Variants in CSMD2 observed in about 807,000 individuals in gnomAD.
CSMD2 encodes the protein CUB and Sushi multiple domains 2.
CSMD2 carries 130 observed loss-of-function variants against 398.5 expected under a neutral mutation model. The observed-to-expected ratio is 0.33, with a 90% CI of 0.28 to 0.38. The LOEUF is 0.38. CSMD2 is among the 10% of genes least tolerant of loss of function. The pLI is 1.00. For synonymous variants in CSMD2, 1,828 were observed against 1,908.5 expected (o/e 0.96, Z 1.10); for missense variants, 3,829 against 4,764.9 (o/e 0.80, Z 5.78).
At chr1:34,057,516 G>A (rs1416157783) in intron 2 of CSMD2, among the ~76,000 whole-genome samples, 1 of 152,086 alleles carries the variant, frequency 6.6e-6, no homozygotes, top group Non-Finnish European at 1.5e-5. Context: ...ACACTGATTG[G>A]TGTCTCAGTC....
At chr1:33,642,798 C>A (rs781646021) in intron 29 of CSMD2, among the ~76,000 whole-genome samples, 4 of 152,134 alleles carry the variant, frequency 2.6e-5, no homozygotes, top group Non-Finnish European at 4.4e-5. Context: ...TAAGTTACCC[C>A]TTTGTTTGCT....
intron 35 of CSMD2, among the ~76,000 whole-genome samples, chr1:33,623,732 AG>A (rs1397843017): frequency 2.0e-5 from 3 of 152,242 alleles, no homozygotes; most frequent in Non-Finnish European, 2.9e-5. Flanking sequence ...AAGAAGTTCC[AG>A]GAAGTGGAAA....
At chr1:34,142,213 T>C (rs768528742) in intron 1 of CSMD2, among the ~76,000 whole-genome samples, 17 of 152,182 alleles carry the variant, frequency 1.1e-4, no homozygotes, top group Non-Finnish European at 2.1e-4. Flanking sequence ...CATCCTGTCC[T>C]GGCGGCCCCC....
intron 5 of CSMD2, among the ~76,000 whole-genome samples, chr1:33,882,820 C>A (rs1276487510): frequency 2.0e-5 from 3 of 152,206 alleles, no homozygotes; most frequent in African/African-American, 7.2e-5. Flanking sequence ...TTTCTTCCTT[C>A]CATTCTTCCT....
chr1:34,060,507 TG>T (rs1052514471), intron 2 of CSMD2, among the ~76,000 whole-genome samples: 1 of 152,106 alleles, frequency 6.6e-6, no homozygotes, highest in Non-Finnish European at 1.5e-5. Flanking sequence ...TGCGGCAGCC[TG>T]GGGGGAGCTC....
chr1:33,678,073 C>T (rs555013770), intron 25 of CSMD2, among the ~76,000 whole-genome samples: 23 of 151,382 alleles, frequency 1.5e-4, no homozygotes, highest in African/African-American at 5.1e-4. Context: ...CAAACCTGCA[C>T]GTTCTGCACA....
At chr1:33,592,318 G>T in intron 44 of CSMD2, 1 of 712,134 alleles carries the variant, frequency 1.4e-6, no homozygotes. Context: ...CAGGAGATGG[G>T]TCCAGGCAAA....
intron 54 of CSMD2, 117 bp from the exon 55 acceptor site, chr1:33,558,039 G>A: frequency 1.2e-6 from 1 of 862,576 alleles, no homozygotes; most frequent in African/African-American, 1.7e-5. Flanking sequence ...CAAGGTTGCT[G>A]GACTTCTCCC....
chr1:33,681,641 A>G (rs1324805390), intron 25 of CSMD2, among the ~76,000 whole-genome samples: 2 of 152,174 alleles, frequency 1.3e-5, no homozygotes, highest in African/African-American at 4.8e-5. Flanking sequence ...TGGATGCTGT[A>G]ACATATTACA....
intron 1 of CSMD2, among the ~76,000 whole-genome samples, chr1:34,128,892 C>A (rs1357321566): frequency 2.6e-5 from 4 of 152,130 alleles, no homozygotes; most frequent in Non-Finnish European, 5.9e-5. Context: ...GGAACCCAGG[C>A]TAAGCAAGAT....
chr1:33,521,777 A>C (rs1036863878), intron 67 of CSMD2, among the ~76,000 whole-genome samples: 1 of 152,216 alleles, frequency 6.6e-6, no homozygotes, highest in Non-Finnish European at 1.5e-5. Flanking sequence ...TTTATTTTCT[A>C]CTGGTCAAAT....
chr1:33,841,059 G>T (rs1347106061), intron 6 of CSMD2, among the ~76,000 whole-genome samples: 5 of 152,234 alleles, frequency 3.3e-5, no homozygotes, highest in Admixed American at 3.3e-4. Context: ...TTATTCTGCA[G>T]ACAATTGAAA....
At chr1:33,926,297 T>C (rs1389716413) in intron 4 of CSMD2, among the ~76,000 whole-genome samples, 2 of 152,226 alleles carry the variant, frequency 1.3e-5, no homozygotes, top group East Asian at 3.8e-4. Flanking sequence ...AAGATTTCAG[T>C]TGAGTGTCTC....
chr1:34,139,715 T>C (rs1047832494), intron 1 of CSMD2, among the ~76,000 whole-genome samples: 12 of 152,240 alleles, frequency 7.9e-5, no homozygotes, highest in Non-Finnish European at 1.8e-4. Flanking sequence ...ATCTTTCTTT[T>C]CTCTCAGTAA....
chr1:33,561,848 C>T (rs1020210745), intron 53 of CSMD2, among the ~76,000 whole-genome samples: 4 of 152,168 alleles, frequency 2.6e-5, no homozygotes, highest in Non-Finnish European at 5.9e-5. Flanking sequence ...ATATGCAAGG[C>T]ACTGGGTGTT....
intron 3 of CSMD2, among the ~76,000 whole-genome samples, chr1:33,963,893 CAT>C (rs1311423153): frequency 6.6e-6 from 1 of 152,198 alleles, no homozygotes; most frequent in East Asian, 1.9e-4. Flanking sequence ...TTTGTGTGGA[CAT>C]ATGTGTTAAT....
intron 5 of CSMD2, among the ~76,000 whole-genome samples, chr1:33,856,039 C>T (rs1360081201): frequency 6.6e-6 from 1 of 152,216 alleles, no homozygotes; most frequent in Non-Finnish European, 1.5e-5. Context: ...CTTCTCTGAG[C>T]CTCAGTTTCC....
At chr1:33,595,609 A>C (rs1339550317) in intron 44 of CSMD2, among the ~76,000 whole-genome samples, 2 of 152,162 alleles carry the variant, frequency 1.3e-5, no homozygotes. Context: ...ACCATTTGTT[A>C]CTATTTTAAA....
chr1:33,675,492 G>C (rs895914435), intron 25 of CSMD2, among the ~76,000 whole-genome samples: 2 of 152,196 alleles, frequency 1.3e-5, no homozygotes, highest in Non-Finnish European at 2.9e-5. Context: ...AAAAAGTCCA[G>C]GACCAGATGG....
Sources: gnomAD v4.1 joint callset for allele counts (sites outside exome capture counted in the v4.1 genomes callset) on GRCh38, gnomAD v4.1.1 for gene constraint, MANE v1.5 for transcripts, NCBI Gene and HGNC (gene_info 2026-07-23, HGNC 2026-07-21) for gene names.